The following TRIM9 variants were observed in gnomAD, a reference collection of about 807,000 sequenced individuals.
The protein encoded by TRIM9 is E3 ubiquitin-protein ligase TRIM9.
Under a neutral mutation model 78.3 loss-of-function variants are expected in TRIM9, and 26 were observed. That is an observed-to-expected ratio of 0.33 (90% CI 0.24 to 0.46). The LOEUF (loss-of-function observed/expected upper bound fraction) is 0.46. Ranked by LOEUF, TRIM9 falls within the 20% of genes least tolerant of loss-of-function variation. The pLI is 1.00. For synonymous variants in TRIM9, 398 were observed against 416.5 expected (o/e 0.96, Z 0.54); for missense variants, 787 against 1,036.4 (o/e 0.76, Z 3.30).
intron 1 of TRIM9, among the ~76,000 whole-genome samples, chr14:51,075,441 A>G (rs1201120366): frequency 1.3e-5 from 2 of 152,164 alleles, no homozygotes; most frequent in South Asian, 2.1e-4. Flanking sequence ...TGCAACATGT[A>G]TTTACATTTG....
intron 3 of TRIM9, among the ~76,000 whole-genome samples, chr14:51,021,955 T>C (rs552034674): frequency 6.6e-6 from 1 of 152,320 alleles, no homozygotes; most frequent in East Asian, 1.9e-4. Flanking sequence ...GCTCATTTTC[T>C]AGAAAGTACA....
chr14:50,983,000 G>C lies in TRIM9; in HGVS notation c.1835-35C>G, dbSNP rs748037455. 24 of 1,544,770 alleles carry C rather than the reference G, an allele frequency of 1.6e-5. 1 individual carries two copies. The highest frequency in any genetic ancestry group is 1.7e-4 in the Middle Eastern group (1 of 6,002). On this transcript the variant is annotated intron_variant, in intron 9 of 12. Transcript: ENST00000684578. Reference sequence around the variant, plus strand: ...TTCCAAGTGAAAGGCATGGGGGAGAGAGATAGGAAGCAAAATTGACATGGA... The same window carrying C: ...TTCCAAGTGAAAGGCATGGGGGAGACAGATAGGAAGCAAAATTGACATGGA...
intron 1 of TRIM9, among the ~76,000 whole-genome samples, chr14:51,054,589 G>T (rs1193185384): frequency 1.4e-5 from 2 of 147,080 alleles, no homozygotes; most frequent in East Asian, 4.0e-4. Context: ...GCTCTTTTTT[G>T]TTTTTTTTTT....
At chr14:51,012,743 A>T (rs1444606462) in intron 3 of TRIM9, among the ~76,000 whole-genome samples, 1 of 152,238 alleles carries the variant, frequency 6.6e-6, no homozygotes, top group African/African-American at 2.4e-5. Context: ...TTTTAAAAAT[A>T]TAGCCATCGT....
At chr14:50,987,973 C>A (rs954950680) in intron 7 of TRIM9, among the ~76,000 whole-genome samples, 1 of 151,868 alleles carries the variant, frequency 6.6e-6, no homozygotes, top group Non-Finnish European at 1.5e-5. Context: ...GCTAATTTTT[C>A]TATTTTTTGT....
intron 7 of TRIM9, among the ~76,000 whole-genome samples, chr14:50,988,888 T>C (rs2053111927): frequency 6.6e-6 from 1 of 152,192 alleles, no homozygotes; most frequent in African/African-American, 2.4e-5. Flanking sequence ...AAACTTAATA[T>C]CATCAGAGGA....
In TRIM9 at chr14:50,981,980, T is replaced by A; in HGVS notation, c.1982A>T (p.Lys661Met). Reference sequence around the variant, plus strand: ...CGTGAGCTCCCAGTAGTGGATGCCCTTGGAGAAGCCAGTCTTCCCTAGCAC... The same window carrying A: ...CGTGAGCTCCCAGTAGTGGATGCCCATGGAGAAGCCAGTCTTCCCTAGCAC... ...RVVLGKTGFS[K>M]GIHYWELTVD... The change falls in exon 11 of 13, where the codon AAG becomes ATG. Residue 661 changes from lysine to methionine, a missense_variant. Coordinates refer to ENST00000684578, the MANE Select transcript of TRIM9 (RefSeq NM_001387360.1). 1.2e-6 allele frequency: 2 copies of A among 1,614,192 alleles called. No individual in the cohort carries two copies. The highest frequency in any genetic ancestry group is 1.7e-6 in the Non-Finnish European group (2 of 1,180,030).
intron 12 of TRIM9, chr14:50,978,767 T>G (rs1263859596): frequency 2.9e-6 from 1 of 341,996 alleles, no homozygotes; most frequent in Non-Finnish European, 3.7e-6. Context: ...TGTTTTTTTG[T>G]TTTTTTTTTT....
intron 3 of TRIM9, among the ~76,000 whole-genome samples, chr14:51,017,684 T>G (rs1335840969): frequency 6.6e-6 from 1 of 152,210 alleles, no homozygotes. Flanking sequence ...GATTACTCCA[T>G]CTCCTCAAAG....
intron 3 of TRIM9, among the ~76,000 whole-genome samples, chr14:51,014,810 T>C (rs1487695073): frequency 6.6e-6 from 1 of 152,214 alleles, no homozygotes; most frequent in African/African-American, 2.4e-5. Flanking sequence ...ATGACACATT[T>C]CCGTGCTTTG....
Position 51,094,788 on chromosome 14 carries a change from C to G in TRIM9, c.152G>C (p.Arg51Pro). The change falls in exon 1 of 13, where the codon CGG becomes CCG. Residue 51 changes from arginine to proline, a missense_variant. By Grantham distance (103) the Arg-to-Pro change is moderately radical. Around this residue, in one of 3 missense-constraint regions of TRIM9, gnomAD observed 352 missense variants for 472.3 expected, o/e 0.75. Transcript: ENST00000684578. ...TPESESPQSHRAAGSGVSDYD... is the reference protein window; with the variant it reads ...TPESESPQSHPAAGSGVSDYD... Reference sequence around the variant, plus strand: ...GTCGGAGACCCCGGAGCCCGCGGCCCGATGGCTCTGGGGGGATTCAGACTC... The same window carrying G: ...GTCGGAGACCCCGGAGCCCGCGGCCGGATGGCTCTGGGGGGATTCAGACTC... 6.5e-7 allele frequency: 1 copy of G among 1,529,936 alleles called. No individual in the cohort carries two copies. The highest frequency in any genetic ancestry group is 1.4e-5 in the African/African-American group (1 of 72,030). 94.8% of individuals were successfully genotyped at this position (1,529,936 alleles called of 1,614,324 possible).
intron 3 of TRIM9, among the ~76,000 whole-genome samples, chr14:51,015,505 CTTTTTTTTTTTTTTT>C (rs369652663): frequency 1.1e-4 from 7 of 61,326 alleles, no homozygotes; most frequent in African/African-American, 4.1e-4. Flanking sequence ...CTTTACTTTT[CTTTTTTTTTTTTTTT>C]TTTTTTTTTT....
intron 8 of TRIM9, among the ~76,000 whole-genome samples, chr14:50,984,121 T>C (rs185559946): frequency 4.6e-5 from 7 of 152,146 alleles, no homozygotes; most frequent in African/African-American, 1.7e-4. Context: ...AGAAATTACA[T>C]TGTGTGGAGG....
At chr14:51,059,411 T>C (rs1408235844) in intron 1 of TRIM9, among the ~76,000 whole-genome samples, 1 of 152,050 alleles carries the variant, frequency 6.6e-6, no homozygotes, top group Non-Finnish European at 1.5e-5. Context: ...CAACATTTAC[T>C]TTTTTTTGTA....
chr14:51,070,279 G>A (rs939985446), intron 1 of TRIM9, among the ~76,000 whole-genome samples: 2 of 152,126 alleles, frequency 1.3e-5, no homozygotes, highest in Non-Finnish European at 2.9e-5. Flanking sequence ...GGTAATGAAT[G>A]AACAATATAT....
chr14:51,060,072 T>C (rs75281258), intron 1 of TRIM9, among the ~76,000 whole-genome samples: 11,000 of 152,294 alleles, frequency 0.072, 487 homozygotes, highest in African/African-American at 0.12. Context: ...CACAGATAAA[T>C]CACCTCCTGA....
intron 1 of TRIM9, among the ~76,000 whole-genome samples, chr14:51,031,541 A>T (rs940984128): frequency 6.6e-6 from 1 of 151,996 alleles, no homozygotes; most frequent in African/African-American, 2.4e-5. Flanking sequence ...TCACTTCTGT[A>T]ACTCTGAGCC....
At chr14:51,039,740 A>G (rs1474336545) in intron 1 of TRIM9, among the ~76,000 whole-genome samples, 2 of 148,540 alleles carry the variant, frequency 1.3e-5, no homozygotes, top group Non-Finnish European at 3.0e-5. Flanking sequence ...ATTATAAATT[A>G]TATTTTTAAA....
At chr14:51,062,230 T>C (rs949276804) in intron 1 of TRIM9, among the ~76,000 whole-genome samples, 1 of 152,208 alleles carries the variant, frequency 6.6e-6, no homozygotes, top group Non-Finnish European at 1.5e-5. Context: ...AGTCCTTTAA[T>C]ATGCTTACTA....
Sources: allele counts gnomAD v4.1 joint callset (sites outside exome capture counted in the v4.1 genomes callset), GRCh38; gene constraint gnomAD v4.1.1; regional missense constraint gnomAD v4.1.1; transcripts MANE v1.5; gene names NCBI Gene and HGNC (gene_info 2026-07-23, HGNC 2026-07-21).